The following RBMS3 variants were observed in gnomAD, a reference collection of about 807,000 sequenced individuals.
The protein encoded by RBMS3 is RNA-binding motif, single-stranded-interacting protein 3.
In RBMS3, 27 loss-of-function variants were observed where a neutral mutation model predicts 66.8. That is an observed-to-expected ratio of 0.40 (90% CI 0.30 to 0.56). The LOEUF (loss-of-function observed/expected upper bound fraction) is 0.56, where lower values mean the gene tolerates loss of function less well. Ranked by LOEUF, RBMS3 falls within the 20% of genes least tolerant of loss-of-function variation. RBMS3 has a pLI of 0.40. For synonymous variants in RBMS3, 188 were observed against 183.0 expected, an observed-to-expected ratio of 1.03 and a Z score of -0.22; for missense variants, 513 against 549.5, an observed-to-expected ratio of 0.93 and a Z score of 0.66.
intron 2 of RBMS3, among the ~76,000 whole-genome samples, chr3:29,470,852 A>C (rs2042700646): frequency 7.3e-6 from 1 of 136,646 alleles, no homozygotes; most frequent in African/African-American, 2.8e-5. Context: ...CACACAAATA[A>C]ATTTAATAAC....
chr3:29,416,473 T>G (rs1372883594), intron 1 of RBMS3, among the ~76,000 whole-genome samples: 2 of 152,210 alleles, frequency 1.3e-5, no homozygotes, highest in Non-Finnish European at 2.9e-5. Flanking sequence ...TTTGGAAAAT[T>G]TGTAAAAGAA....
At chr3:29,625,870 C>T (rs974883708) in intron 4 of RBMS3, among the ~76,000 whole-genome samples, 7 of 152,040 alleles carry the variant, frequency 4.6e-5, no homozygotes, top group African/African-American at 1.2e-4. Flanking sequence ...AGCAAATGTG[C>T]TGCCCAGGGG....
At chr3:29,910,451 C>T (rs760417902) in intron 10 of RBMS3, among the ~76,000 whole-genome samples, 3 of 152,016 alleles carry the variant, frequency 2.0e-5, no homozygotes, top group Non-Finnish European at 4.4e-5. Context: ...TGATCAGAAA[C>T]GGGTTCACAT....
At chr3:29,872,521 T>C (rs1469462579) in intron 7 of RBMS3, among the ~76,000 whole-genome samples, 1 of 152,188 alleles carries the variant, frequency 6.6e-6, no homozygotes, top group Non-Finnish European at 1.5e-5. Context: ...ATTCTTGGTC[T>C]TCAGGCCACA....
intron 4 of RBMS3, chr3:29,642,792 C>G (rs534660723): frequency 6.6e-6 from 1 of 152,254 alleles, no homozygotes; most frequent in South Asian, 2.1e-4. Flanking sequence ...CGTGTTCCAG[C>G]TAGTGCTCAG....
At chr3:29,726,640 A>C (rs2053890727) in intron 4 of RBMS3, among the ~76,000 whole-genome samples, 1 of 152,152 alleles carries the variant, frequency 6.6e-6, no homozygotes, top group Admixed American at 6.5e-5. Context: ...TAGGAATACA[A>C]CTTACAAGGG....
At chr3:29,609,265 A>G (rs2048414475) in intron 4 of RBMS3, among the ~76,000 whole-genome samples, 1 of 152,026 alleles carries the variant, frequency 6.6e-6, no homozygotes, top group African/African-American at 2.4e-5. Context: ...GTACTGGTCC[A>G]GACTGTTGAT....
chr3:29,560,886 C>T lies in RBMS3; in HGVS notation c.308-26228C>T, dbSNP rs549090045. Among the ~76,000 whole-genome samples, 37 of 152,284 alleles carry T rather than the reference C, an allele frequency of 2.4e-4. No homozygotes were observed. In the South Asian group the frequency reaches 6.8e-3, roughly 28 times the overall value. On this transcript the variant is annotated intron_variant, in intron 3 of 14. Coordinates refer to ENST00000383767, the MANE Select transcript of RBMS3 (RefSeq NM_001003793.3). ...GTTATTTTTCCTGGTTCTCTTCTTT[C>T]TCCCACCCTCCACCCTCTGAAAGGT...
chr3:29,471,852 T>G (rs958114418), intron 2 of RBMS3, among the ~76,000 whole-genome samples: 3 of 152,058 alleles, frequency 2.0e-5, no homozygotes, highest in Non-Finnish European at 4.4e-5. Context: ...TGTTTGCATA[T>G]TTTTTCTTTA....
intron 6 of RBMS3, among the ~76,000 whole-genome samples, chr3:29,863,979 C>T (rs1294778566): frequency 6.6e-6 from 1 of 151,994 alleles, no homozygotes; most frequent in African/African-American, 2.4e-5. Context: ...AAAGACCTGC[C>T]TTTTTGGAAT....
intron 7 of RBMS3, among the ~76,000 whole-genome samples, chr3:29,871,553 CTTGT>C (rs1490883283): frequency 1.3e-5 from 2 of 151,898 alleles, no homozygotes; most frequent in African/African-American, 4.8e-5. Flanking sequence ...TTTGTTTTTG[CTTGT>C]TTGTTTGTTT....
At chr3:29,311,646 A>G (rs2034380488) in intron 1 of RBMS3, among the ~76,000 whole-genome samples, 1 of 151,838 alleles carries the variant, frequency 6.6e-6, no homozygotes, top group Admixed American at 6.6e-5. Flanking sequence ...ATTTACTTTT[A>G]TAGGCTATTG....
rs182838894 is a variant in RBMS3 at position 29,733,296 on chromosome 3, C to T, written c.400-6424C>T. 1.2e-3 allele frequency among the ~76,000 whole-genome samples: 186 copies of T among 151,842 alleles called. 1 individual carries two copies. The highest frequency in any genetic ancestry group is 3.0e-3 in the Admixed American group (45 of 15,236). On this transcript the variant is annotated intron_variant, in intron 4 of 14. Transcript: ENST00000383767. The stretch of plus-strand genomic sequence containing the variant: ...AAAAAATTTCTATAAATTCGTTATA[C>T]ACAATTTTGTGACTTAAAAGCTCTT...
chr3:29,662,791 G>C (rs764972035), intron 4 of RBMS3, among the ~76,000 whole-genome samples: 44 of 152,170 alleles, frequency 2.9e-4, no homozygotes, highest in Admixed American at 5.9e-4. Flanking sequence ...AGAAGAATGA[G>C]TGATAGCCAC....
At chr3:29,958,880 G>A (rs1030616016) in intron 12 of RBMS3, among the ~76,000 whole-genome samples, 1 of 152,144 alleles carries the variant, frequency 6.6e-6, no homozygotes, top group Admixed American at 6.6e-5. Flanking sequence ...ATTAAAGTAG[G>A]CAGTACAGCT....
At chr3:29,411,180 T>G (rs2040251545) in intron 1 of RBMS3, among the ~76,000 whole-genome samples, 4 of 152,198 alleles carry the variant, frequency 2.6e-5, no homozygotes, top group Admixed American at 2.6e-4. Flanking sequence ...CTTCTTTCAT[T>G]TTGTTAATCT....
Position 29,702,209 on chromosome 3 carries a change from G to A in RBMS3, c.400-37511G>A, listed in dbSNP as rs576560634. Among the ~76,000 whole-genome samples, 34 of 152,124 alleles carry A rather than the reference G, an allele frequency of 2.2e-4. No homozygotes were observed. The South Asian group carries it at 6.9e-3, about 31-fold the overall frequency. On this transcript the variant is annotated intron_variant, in intron 4 of 14. Transcript: ENST00000383767. ...AACCTTTATGTCTAGCTAAAGGATT[G>A]TAAATCCACCAATCAGCACCCTGTG... is the stretch of plus-strand genomic sequence containing the variant.
At chr3:29,318,529 A>G (rs984986236) in intron 1 of RBMS3, among the ~76,000 whole-genome samples, 1 of 151,916 alleles carries the variant, frequency 6.6e-6, no homozygotes, top group African/African-American at 2.4e-5. Context: ...ATCAAACACA[A>G]GAGGTCCTTC....
At position 29,359,606 on chromosome 3, in the gene RBMS3, G is replaced by A. The variant is rs1002958914; in HGVS notation, c.76-75137G>A. Among the ~76,000 whole-genome samples, 22 of 152,276 alleles carry A rather than the reference G, an allele frequency of 1.4e-4. No individual in the cohort carries two copies. In the East Asian group the frequency reaches 3.9e-3, roughly 27 times the overall value. On this transcript the variant is annotated intron_variant, in intron 1 of 14. Coordinates refer to ENST00000383767, the MANE Select transcript of RBMS3 (RefSeq NM_001003793.3). ...CCCTCTTTTTCTACTGATTGGAATA[G>A]TTTCAGAAGGAATGGTTCCAGCTCC...
Sources: allele counts gnomAD v4.1 joint callset (sites outside exome capture counted in the v4.1 genomes callset), GRCh38; gene constraint gnomAD v4.1.1; transcripts MANE v1.5; gene names NCBI Gene and HGNC (gene_info 2026-07-23, HGNC 2026-07-21).